The following XXYLT1 variants were observed in gnomAD, a reference collection of about 807,000 sequenced individuals.
XXYLT1 encodes the protein xyloside xylosyltransferase 1.
In XXYLT1, 20 loss-of-function variants were observed where a neutral mutation model predicts 28.9. That is an observed-to-expected ratio of 0.69 (90% CI 0.49 to 1.00). The LOEUF is 1.00. Ranked by LOEUF, XXYLT1 falls within the 50% of genes least tolerant of loss-of-function variation. The pLI is 0.00. For synonymous variants in XXYLT1, 257 were observed against 253.8 expected, an observed-to-expected ratio of 1.01 and a Z score of -0.12; for missense variants, 542 against 560.1, an observed-to-expected ratio of 0.97 and a Z score of 0.33.
intron 3 of XXYLT1, among the ~76,000 whole-genome samples, chr3:195,073,166 C>T (rs376339958): frequency 1.2e-4 from 18 of 152,306 alleles, no homozygotes; most frequent in Non-Finnish European, 2.2e-4. Context: ...TCGGATTCCA[C>T]GGGCTAGGGT....
Position 195,076,778 on chromosome 3 carries a change from T to C in XXYLT1, c.786-6667A>G, listed in dbSNP as rs976043149. Among the ~76,000 whole-genome samples the C allele has an allele frequency of 6.6e-6, 1 of 152,134 alleles. No individual in the cohort carries two copies. The highest frequency in any genetic ancestry group is 1.5e-5 in the Non-Finnish European group (1 of 68,008). On this transcript the variant is annotated intron_variant, in intron 3 of 3. Transcript: ENST00000310380. This position sits in a 1 kb window ranked among gnomAD's most constrained non-coding sequence, Gnocchi z 5.3. Reference sequence around the variant, plus strand: ...CATCACCCTGCTCTCTGCCTTCATATTCACATGGCGTTCTCCCTGCGTGCA... The same window carrying C: ...CATCACCCTGCTCTCTGCCTTCATACTCACATGGCGTTCTCCCTGCGTGCA...
At chr3:195,181,276 T>G (rs945006296) in intron 2 of XXYLT1, among the ~76,000 whole-genome samples, 142 of 143,318 alleles carry the variant, frequency 9.9e-4, no homozygotes, top group African/African-American at 3.8e-3. Flanking sequence ...CGTGGCTGCG[T>G]GGCTGCGTGG....
At chr3:195,182,980 C>T (rs1722024525) in intron 2 of XXYLT1, among the ~76,000 whole-genome samples, 1 of 152,190 alleles carries the variant, frequency 6.6e-6, no homozygotes, top group Non-Finnish European at 1.5e-5. Context: ...CACGTTTTTA[C>T]ACACTTCATC....
At chr3:195,237,792 T>C (rs1394499680) in intron 1 of XXYLT1, among the ~76,000 whole-genome samples, 3 of 152,316 alleles carry the variant, frequency 2.0e-5, no homozygotes, top group African/African-American at 7.2e-5. Context: ...CTTTATCCTT[T>C]TCTGGCTACT....
intron 2 of XXYLT1, among the ~76,000 whole-genome samples, chr3:195,165,061 A>G (rs1169869499): frequency 6.6e-6 from 1 of 151,990 alleles, no homozygotes; most frequent in Non-Finnish European, 1.5e-5. Flanking sequence ...TACACATGAA[A>G]ACATTTTGTT....
chr3:195,249,425 C>A (rs768294074), intron 1 of XXYLT1, among the ~76,000 whole-genome samples: 1 of 152,192 alleles, frequency 6.6e-6, no homozygotes, highest in African/African-American at 2.4e-5. Context: ...GCGCATGGCA[C>A]GTGACAGGCA....
At chr3:195,170,560 T>C (rs1304663724) in intron 2 of XXYLT1, among the ~76,000 whole-genome samples, 1 of 152,216 alleles carries the variant, frequency 6.6e-6, no homozygotes, top group Non-Finnish European at 1.5e-5. Context: ...TGAGAGTTCA[T>C]CTCACCTGGC....
At chr3:195,099,160 G>A (rs1716624622) in intron 3 of XXYLT1, among the ~76,000 whole-genome samples, 1 of 152,214 alleles carries the variant, frequency 6.6e-6, no homozygotes, top group South Asian at 2.1e-4. Flanking sequence ...GCTTGCTGTT[G>A]AAGAGGGTCT....
intron 3 of XXYLT1, among the ~76,000 whole-genome samples, chr3:195,155,899 C>T (rs1188040765): frequency 6.6e-6 from 1 of 152,150 alleles, no homozygotes; most frequent in Non-Finnish European, 1.5e-5. Context: ...AATAACGCTA[C>T]AGTGAATATT....
intron 2 of XXYLT1, among the ~76,000 whole-genome samples, chr3:195,160,292 G>C (rs1009955824): frequency 6.6e-6 from 1 of 152,186 alleles, no homozygotes. Context: ...CTTCAGGGAG[G>C]GGCAGGTGAA....
intron 3 of XXYLT1, among the ~76,000 whole-genome samples, chr3:195,090,173 G>T (rs1487177280): frequency 2.0e-5 from 3 of 151,220 alleles, no homozygotes; most frequent in African/African-American, 7.3e-5. Flanking sequence ...TGCACCAAGC[G>T]GACCTAATAG....
At chr3:195,185,476 C>T (rs1361379672) in intron 2 of XXYLT1, among the ~76,000 whole-genome samples, 2 of 146,490 alleles carry the variant, frequency 1.4e-5, no homozygotes, top group Non-Finnish European at 3.0e-5. Flanking sequence ...AGGAGCAAAA[C>T]TTTGGTCCAG....
Position 195,133,364 on chromosome 3 carries a change from G to A in XXYLT1, c.785+23085C>T, listed in dbSNP as rs1718999885. Among the ~76,000 whole-genome samples the A allele has an allele frequency of 6.6e-6, 1 of 152,176 alleles. No homozygotes were observed. Among genetic ancestry groups the A allele is most frequent in the African/African-American group, 2.4e-5 (1 of 41,446 alleles). On this transcript the variant is annotated intron_variant, in intron 3 of 3. Coordinates refer to ENST00000310380, the MANE Select transcript of XXYLT1 (RefSeq NM_152531.5). The surrounding 1 kb of genome is among the most constrained non-coding windows in gnomAD (Gnocchi z 4.4). ...GTGGGGAGTGGGAGAGGGGGAAGAA[G>A]GGTGGGAACTTTCTTCTCAAGTAAG...
At chr3:195,104,445 G>A (rs1037840905) in intron 3 of XXYLT1, among the ~76,000 whole-genome samples, 7 of 152,162 alleles carry the variant, frequency 4.6e-5, no homozygotes, top group African/African-American at 1.7e-4. Flanking sequence ...GTTCCCTTGC[G>A]GGGAGGGGGT....
At chr3:195,156,355 G>A (rs1407590576) in intron 3 of XXYLT1, 94 bp downstream of exon 3, 42 of 1,540,912 alleles carry the variant, frequency 2.7e-5, no homozygotes, top group South Asian at 1.7e-4. Flanking sequence ...AGGATCGGAC[G>A]CCACTAAATC....
chr3:195,241,099 C>CA (rs1439101838), intron 1 of XXYLT1, among the ~76,000 whole-genome samples: 37 of 152,238 alleles, frequency 2.4e-4, no homozygotes, highest in Non-Finnish European at 1.5e-5. Flanking sequence ...CCTGGCAGAA[C>CA]ACCAAGGCCG....
In XXYLT1 at chr3:195,150,037, T is replaced by A. The variant is rs1720105890; in HGVS notation, c.785+6412A>T. On this transcript the variant is annotated intron_variant, in intron 3 of 3. Coordinates refer to ENST00000310380, the MANE Select transcript of XXYLT1 (RefSeq NM_152531.5). This position sits in a 1 kb window ranked among gnomAD's most constrained non-coding sequence, Gnocchi z 4.7. ...AAAGATGAGCAATAATTTTGCTAAG[T>A]TGTCAGCAGCCCCAACCGTACATAT... Among the ~76,000 whole-genome samples, 1 of 152,160 alleles carries A rather than the reference T, an allele frequency of 6.6e-6. No homozygotes were observed. The highest frequency in any genetic ancestry group is 1.5e-5 in the Non-Finnish European group (1 of 68,020).
intron 3 of XXYLT1, chr3:195,094,070 G>C (rs79932682): frequency 6.4e-6 from 1 of 155,176 alleles, no homozygotes; most frequent in African/African-American, 2.4e-5. Flanking sequence ...GTGGAATTTC[G>C]TGGGCTGGCT....
chr3:195,253,563 AT>A (rs1410470839), intron 1 of XXYLT1, among the ~76,000 whole-genome samples: 1 of 120,648 alleles, frequency 8.3e-6, no homozygotes, highest in East Asian at 2.4e-4. Context: ...CAGTGTTGTG[AT>A]TTTGGTTCAC....
Sources: gnomAD v4.1 joint callset for allele counts (sites outside exome capture counted in the v4.1 genomes callset) on GRCh38, gnomAD v4.1.1 for gene constraint, Gnocchi (gnomAD v3.1) non-coding constraint, MANE v1.5 for transcripts, NCBI Gene and HGNC (gene_info 2026-07-23, HGNC 2026-07-21) for gene names.